RBFOX1: variants seen among roughly 807,000 people sequenced by gnomAD.
RBFOX1 encodes the protein RNA binding fox-1 homolog 1.
Under a neutral mutation model 57.7 loss-of-function variants are expected in RBFOX1, and 8 were observed. The ratio of observed to expected loss-of-function variants is 0.14; its 90% CI spans 0.08 to 0.25. RBFOX1 has a LOEUF of 0.25. RBFOX1 is among the 10% of genes least tolerant of loss of function. The probability of loss-of-function intolerance (pLI) is 1.00; values close to 1 mark genes in which losing one functional copy is unlikely to be tolerated. For missense variants in RBFOX1, 611 were observed against 548.5 expected (o/e 1.11, Z -1.14); for synonymous variants, 326 against 222.4 (o/e 1.47, Z -4.15).
At chr16:7,327,633 A>G (rs1366875970) in intron 4 of RBFOX1, among the ~76,000 whole-genome samples, 1 of 152,136 alleles carries the variant, frequency 6.6e-6, no homozygotes, top group East Asian at 1.9e-4. Context: ...GCTTTTTAGA[A>G]AGCAAAGAAT....
chr16:5,488,002 A>T (rs940705339), intron 2 of RBFOX1, among the ~76,000 whole-genome samples: 2 of 151,874 alleles, frequency 1.3e-5, no homozygotes, highest in Admixed American at 1.3e-4. Context: ...GATGGAAGAT[A>T]ATAGTGATGA....
chr16:6,139,984 T>G (rs578143440), intron 1 of RBFOX1, among the ~76,000 whole-genome samples: 1 of 152,334 alleles, frequency 6.6e-6, no homozygotes, highest in African/African-American at 2.4e-5. Context: ...CTCTCAAGAT[T>G]CAGCTGGAAA....
chr16:5,376,765 T>G (rs1186420202), intron 1 of RBFOX1, among the ~76,000 whole-genome samples: 1 of 151,720 alleles, frequency 6.6e-6, no homozygotes, highest in Non-Finnish European at 1.5e-5. Flanking sequence ...GCTGAGTACT[T>G]TCTTTCCTTC....
At chr16:6,642,435 G>T (rs147614226) in intron 2 of RBFOX1, among the ~76,000 whole-genome samples, 33 of 152,204 alleles carry the variant, frequency 2.2e-4, no homozygotes, top group African/African-American at 7.5e-4. Flanking sequence ...GGTGACAGGA[G>T]ACTCCTACCT....
chr16:5,586,791 C>G (rs1384054384), intron 2 of RBFOX1, among the ~76,000 whole-genome samples: 1 of 152,220 alleles, frequency 6.6e-6, no homozygotes, highest in African/African-American at 2.4e-5. Context: ...GCCACCATGG[C>G]TGGCCCCCAT....
chr16:6,326,253 T>C (rs1167508976), intron 2 of RBFOX1, among the ~76,000 whole-genome samples: 2 of 152,218 alleles, frequency 1.3e-5, no homozygotes, highest in African/African-American at 2.4e-5. Flanking sequence ...GGAAAAATTT[T>C]GATTTTGGAT....
chr16:7,099,920 A>C (rs1038014692), intron 4 of RBFOX1, among the ~76,000 whole-genome samples: 1 of 152,036 alleles, frequency 6.6e-6, no homozygotes, highest in Non-Finnish European at 1.5e-5. Flanking sequence ...TATCAGACTT[A>C]AAGTTTGTGT....
intron 1 of RBFOX1, among the ~76,000 whole-genome samples, chr16:5,335,362 C>G (rs543911545): frequency 1.4e-4 from 21 of 152,214 alleles, no homozygotes; most frequent in Non-Finnish European, 2.5e-4. Context: ...GTGCCTGAAG[C>G]TTTTAGGAGT....
At chr16:6,930,276 G>C (rs1432993846) in intron 3 of RBFOX1, among the ~76,000 whole-genome samples, 1 of 152,202 alleles carries the variant, frequency 6.6e-6, no homozygotes, top group Non-Finnish European at 1.5e-5. Context: ...GATTTGAATA[G>C]ACGTGTCTCC....
chr16:7,561,961 C>A (rs985661217), intron 5 of RBFOX1, among the ~76,000 whole-genome samples: 3 of 151,798 alleles, frequency 2.0e-5, no homozygotes, highest in Non-Finnish European at 2.9e-5. Flanking sequence ...ATAGGTTGGC[C>A]TTGATTTCTG....
At position 5,711,498 on chromosome 16, in the gene RBFOX1, G is replaced by C; in HGVS notation, c.318+112537G>C. 3.3e-5 allele frequency among the ~76,000 whole-genome samples: 5 copies of C among 152,336 alleles called. 1 individual carries two copies. The Middle Eastern group carries it at 0.017, about 518-fold the overall frequency. On this transcript the variant is annotated intron_variant, in intron 3 of 19. Coordinates refer to the RBFOX1 transcript ENST00000641259. ...CAGACAATGTCACTGTGAAGTGACA[G>C]TTGGGGTGCGATTCAAAGCAGGAGG...
At chr16:6,736,407 G>A (rs2070320669) in intron 3 of RBFOX1, among the ~76,000 whole-genome samples, 1 of 152,094 alleles carries the variant, frequency 6.6e-6, no homozygotes, top group South Asian at 2.1e-4. Context: ...AAAATATCAT[G>A]TTTGGTTTTC....
At chr16:7,534,265 G>C (rs559275657) in intron 5 of RBFOX1, among the ~76,000 whole-genome samples, 1 of 147,008 alleles carries the variant, frequency 6.8e-6, no homozygotes, top group East Asian at 2.0e-4. Context: ...TTTTTTTTTT[G>C]TATTTTTAGT....
intron 1 of RBFOX1, among the ~76,000 whole-genome samples, chr16:6,309,002 A>G (rs1006171996): frequency 2.6e-5 from 4 of 151,976 alleles, no homozygotes; most frequent in African/African-American, 9.7e-5. Flanking sequence ...CCCAGCTGAA[A>G]AGACTTACCT....
intron 4 of RBFOX1, among the ~76,000 whole-genome samples, chr16:6,010,117 T>A (rs927129070): frequency 1.3e-5 from 2 of 152,128 alleles, no homozygotes; most frequent in Non-Finnish European, 2.9e-5. Context: ...CTGAGGGTGC[T>A]GTGTTGCCCC....
chr16:7,078,943 C>T (rs2058735684), intron 4 of RBFOX1, among the ~76,000 whole-genome samples: 1 of 135,576 alleles, frequency 7.4e-6, no homozygotes, highest in Admixed American at 8.0e-5. Context: ...CTCCTGACCT[C>T]GTGATCCACC....
chr16:7,513,102 A>G, intron 4 of RBFOX1, among the ~76,000 whole-genome samples: 1 of 151,890 alleles, frequency 6.6e-6, no homozygotes, highest in Non-Finnish European at 1.5e-5. Context: ...TCTCTACTAA[A>G]AATACAAAAA....
chr16:6,896,865 G>C (rs1341492530), intron 3 of RBFOX1, among the ~76,000 whole-genome samples: 1 of 152,176 alleles, frequency 6.6e-6, no homozygotes, highest in African/African-American at 2.4e-5. Context: ...CAGTGGAAGA[G>C]TGGTGAGAAA....
intron 1 of RBFOX1, among the ~76,000 whole-genome samples, chr16:6,145,796 A>C (rs1226931546): frequency 6.6e-6 from 1 of 152,232 alleles, no homozygotes; most frequent in East Asian, 1.9e-4. Context: ...AAGGAAAAAA[A>C]GAAAAAAGAA....
Sources: allele counts gnomAD v4.1 joint callset (sites outside exome capture counted in the v4.1 genomes callset), GRCh38; gene constraint gnomAD v4.1.1; transcripts MANE v1.5; gene names NCBI Gene and HGNC (gene_info 2026-07-23, HGNC 2026-07-21).